Variants in NRXN3 observed in about 807,000 individuals in gnomAD.
NRXN3 encodes the protein neurexin III.
A neutral mutation model predicts 137.6 loss-of-function variants in NRXN3; 32 were observed. The observed-to-expected ratio is 0.23, with a 90% CI of 0.18 to 0.31. NRXN3 has a LOEUF of 0.31. Among genes scored for constraint, NRXN3 ranks in the 10% least tolerant of loss-of-function variants. The pLI is 1.00. For missense variants in NRXN3, 1,574 were observed against 2,062.5 expected (o/e 0.76, Z 4.59); for synonymous variants, 798 against 784.5 (o/e 1.02, Z -0.29).
chr14:79,062,186 C>T (rs1483977223), intron 15 of NRXN3, among the ~76,000 whole-genome samples: 1 of 152,158 alleles, frequency 6.6e-6, no homozygotes, highest in African/African-American at 2.4e-5. Context: ...GAATTAATTA[C>T]ATGCAAAGAT....
intron 8 of NRXN3, among the ~76,000 whole-genome samples, chr14:78,734,382 C>A (rs770379255): frequency 6.6e-6 from 1 of 152,154 alleles, no homozygotes; most frequent in Non-Finnish European, 1.5e-5. Flanking sequence ...CATAGATGAG[C>A]ACTCCTGCAT....
intron 4 of NRXN3, among the ~76,000 whole-genome samples, chr14:78,547,066 A>G (rs2096642685): frequency 6.6e-6 from 1 of 152,186 alleles, no homozygotes; most frequent in Non-Finnish European, 1.5e-5. Flanking sequence ...AAATTCTCAC[A>G]TATACCAGAG....
rs553421145 is a variant in NRXN3 at position 78,745,133 on chromosome 14, T to G, written c.2044+29994T>G. On this transcript the variant is annotated intron_variant, in intron 8 of 20. Coordinates refer to ENST00000335750, the MANE Select transcript of NRXN3 (RefSeq NM_001330195.2). ...TGACTTGCACTTGTACTTTTCCTTT[T>G]TGTAGAGAAGCTAAATTATAATCAG... 6.6e-5 allele frequency: 10 copies of G among 152,362 alleles called. No individual in the cohort carries two copies. The East Asian group carries it at 1.7e-3, about 26-fold the overall frequency. 9.4% of individuals were successfully genotyped at this position (152,362 alleles called of 1,614,324 possible).
rs183906067 is a variant in NRXN3 at position 78,418,624 on chromosome 14, A to G, written c.757+120764A>G. Among the ~76,000 whole-genome samples the G allele has an allele frequency of 5.4e-3, 821 of 152,286 alleles. 1 individual carries two copies. Among genetic ancestry groups the G allele is most frequent in the African/African-American group, 0.019 (771 of 41,564 alleles). On this transcript the variant is annotated intron_variant, in intron 4 of 20. Coordinates refer to ENST00000335750, the MANE Select transcript of NRXN3 (RefSeq NM_001330195.2). The stretch of plus-strand genomic sequence containing the variant: ...AAGGAAACAAGGCAAATACAGGAGG[A>G]AAAAGGTAGGCTGCTGTTTGGTCTT...
chr14:79,199,123 C>T (rs774229261), intron 15 of NRXN3, among the ~76,000 whole-genome samples: 19 of 151,728 alleles, frequency 1.3e-4, no homozygotes, highest in Non-Finnish European at 1.3e-4. Flanking sequence ...GCCAAGATGG[C>T]GCCACTGCGC....
chr14:78,483,203 C>A (rs531922680), intron 4 of NRXN3, among the ~76,000 whole-genome samples: 21 of 152,304 alleles, frequency 1.4e-4, no homozygotes, highest in African/African-American at 4.6e-4. Context: ...CCCCAAAAAA[C>A]CCCACAAAAC....
chr14:78,265,780 C>T (rs930852315), intron 2 of NRXN3, among the ~76,000 whole-genome samples: 1 of 152,220 alleles, frequency 6.6e-6, no homozygotes, highest in Non-Finnish European at 1.5e-5. Context: ...TAATTCCTCT[C>T]TCTTGGATCT....
intron 6 of NRXN3, among the ~76,000 whole-genome samples, chr14:78,657,382 C>A (rs989640458): frequency 6.6e-6 from 1 of 152,138 alleles, no homozygotes; most frequent in Non-Finnish European, 1.5e-5. Context: ...ATTTCCACAC[C>A]ATCCTCTTTT....
chr14:79,684,570 C>G (rs995151901), intron 17 of NRXN3, among the ~76,000 whole-genome samples: 1 of 152,084 alleles, frequency 6.6e-6, no homozygotes, highest in Non-Finnish European at 1.5e-5. Flanking sequence ...TCTTGAGCAT[C>G]GGAGATATTA....
chr14:78,560,736 G>A (rs1437157908), intron 4 of NRXN3, among the ~76,000 whole-genome samples: 2 of 152,170 alleles, frequency 1.3e-5, no homozygotes, highest in African/African-American at 4.8e-5. Context: ...ACACTTAGCT[G>A]GAACCTGGGG....
At chr14:79,414,739 C>G (rs767032526) in intron 15 of NRXN3, among the ~76,000 whole-genome samples, 3 of 152,038 alleles carry the variant, frequency 2.0e-5, no homozygotes, top group African/African-American at 7.2e-5. Flanking sequence ...CAGGTTCACT[C>G]TTAGCACATT....
At chr14:78,334,205 A>AT (rs1469215146) in intron 4 of NRXN3, among the ~76,000 whole-genome samples, 5 of 152,104 alleles carry the variant, frequency 3.3e-5, no homozygotes, top group Admixed American at 2.0e-4. Context: ...AAGAGGAGAT[A>AT]TTGAGGAAGC....
chr14:78,803,459 G>C (rs1170677029), intron 8 of NRXN3, among the ~76,000 whole-genome samples, 161 bp from the exon 9 acceptor site: 1 of 152,104 alleles, frequency 6.6e-6, no homozygotes, highest in South Asian at 2.1e-4. Flanking sequence ...TCTGCCCAGC[G>C]TCACACAGAT....
At chr14:79,383,154 T>G (rs1394303628) in intron 15 of NRXN3, among the ~76,000 whole-genome samples, 1 of 152,174 alleles carries the variant, frequency 6.6e-6, no homozygotes, top group Non-Finnish European at 1.5e-5. Flanking sequence ...AGTTCTAACT[T>G]GAATTTCAGT....
At chr14:79,853,944 C>A in intron 20 of NRXN3, 1 of 988,870 alleles carries the variant, frequency 1.0e-6, no homozygotes, top group Non-Finnish European at 1.2e-6. Flanking sequence ...CCTCCCAAAC[C>A]CCCCAAAGTA....
chr14:79,429,794 C>T (rs186412464), intron 15 of NRXN3, among the ~76,000 whole-genome samples: 9 of 152,260 alleles, frequency 5.9e-5, no homozygotes, highest in Admixed American at 3.9e-4. Context: ...AAGTGAGTAT[C>T]CTTCTACAGA....
intron 20 of NRXN3, among the ~76,000 whole-genome samples, chr14:79,809,009 A>C (rs2099221729): frequency 6.6e-6 from 1 of 152,160 alleles, no homozygotes; most frequent in Admixed American, 6.5e-5. Context: ...ATGGAAGTCA[A>C]GTTTTCACGG....
intron 1 of NRXN3, among the ~76,000 whole-genome samples, chr14:78,216,591 G>T (rs1263236186): frequency 6.6e-5 from 10 of 152,176 alleles, no homozygotes; most frequent in Admixed American, 6.5e-4. Context: ...TTCACTGGTT[G>T]GTAGGAGAAT....
intron 15 of NRXN3, among the ~76,000 whole-genome samples, chr14:79,390,051 C>T (rs2094789767): frequency 6.6e-6 from 1 of 152,160 alleles, no homozygotes; most frequent in East Asian, 1.9e-4. Flanking sequence ...GGAGCGGTGG[C>T]TCACGCCTGT....
Sources: gnomAD v4.1 joint callset for allele counts (sites outside exome capture counted in the v4.1 genomes callset) on GRCh38, gnomAD v4.1.1 for gene constraint, MANE v1.5 for transcripts, NCBI Gene and HGNC (gene_info 2026-07-23, HGNC 2026-07-21) for gene names.